Variants in DNAAF5 observed in about 807,000 individuals in gnomAD.
The protein encoded by DNAAF5 is HEAT repeat containing 2.
A neutral mutation model predicts 75.8 loss-of-function variants in DNAAF5; 64 were observed. The ratio of observed to expected loss-of-function variants is 0.84; its 90% CI spans 0.69 to 1.04. DNAAF5 has a LOEUF of 1.04. Among genes scored for constraint, DNAAF5 ranks in the 50% least tolerant of loss-of-function variants. The pLI is 0.00. For missense variants in DNAAF5, 1,269 were observed against 1,178.5 expected, an observed-to-expected ratio of 1.08 and a Z score of -1.12; for synonymous variants, 657 against 557.2, an observed-to-expected ratio of 1.18 and a Z score of -2.52.
intron 2 of DNAAF5, 129 bp from the exon 3 acceptor site, chr7:740,690 T>C: frequency 7.6e-7 from 1 of 1,316,492 alleles, no homozygotes. Context: ...CGGTGGTAGG[T>C]GGCCCAGGAC....
At chr7:774,811 G>GT (rs1398295653) in intron 10 of DNAAF5, among the ~76,000 whole-genome samples, 195 bp from the exon 11 acceptor site, 1 of 152,190 alleles carries the variant, frequency 6.6e-6, no homozygotes, top group Non-Finnish European at 1.5e-5. Flanking sequence ...AACAGTGTGC[G>GT]TATTTTCTAA....
chr7:740,644 C>T (rs1202961637), intron 2 of DNAAF5, among the ~76,000 whole-genome samples, 175 bp from the exon 3 acceptor site: 3 of 152,226 alleles, frequency 2.0e-5, no homozygotes, highest in East Asian at 1.9e-4. Flanking sequence ...CCCAGGACCC[C>T]GGCCACGCGC....
chr7:766,973 C>T (rs1778321410), intron 8 of DNAAF5, among the ~76,000 whole-genome samples: 1 of 152,296 alleles, frequency 6.6e-6, no homozygotes, highest in African/African-American at 2.4e-5. Flanking sequence ...GGCGTGGTGG[C>T]TCACGCCTGT....
intron 11 of DNAAF5, among the ~76,000 whole-genome samples, chr7:777,385 C>T (rs1460675611): frequency 1.3e-5 from 2 of 152,060 alleles, no homozygotes; most frequent in Non-Finnish European, 2.9e-5. Flanking sequence ...TTTATTGAGG[C>T]GTGTTTAAGA....
chr7:749,237 T>C (rs1170750971), intron 4 of DNAAF5, among the ~76,000 whole-genome samples: 3 of 152,208 alleles, frequency 2.0e-5, no homozygotes, highest in African/African-American at 4.8e-5. Context: ...ACAATCACAC[T>C]GCCAGCCGCC....
intron 8 of DNAAF5, among the ~76,000 whole-genome samples, chr7:767,162 C>G (rs1025362936): frequency 7.3e-5 from 11 of 151,072 alleles, no homozygotes; most frequent in African/African-American, 2.7e-4. Flanking sequence ...TGGCGTGAAC[C>G]CAGGAGACGG....
chr7:783,191 G>C (rs932728217), intron 12 of DNAAF5, among the ~76,000 whole-genome samples: 1 of 152,226 alleles, frequency 6.6e-6, no homozygotes, highest in Non-Finnish European at 1.5e-5. Context: ...CAGGGTGGGT[G>C]CACTGCTCGT....
chr7:740,912 A>T lies in DNAAF5; in HGVS notation c.874A>T (p.Ser292Cys). The change falls in exon 3 of 13, where the codon AGT becomes TGT. Residue 292 changes from serine (S) to cysteine (C), a missense_variant. By Grantham distance (112) the Ser-to-Cys change is moderately radical. Transcript: ENST00000297440. ...FFHKLIPLLL[S>C]SLNDEVPEVR... ...CCACAAGCTCATCCCTCTGCTGCTC[A>T]GTAGCCTCAACGACGAGGTGCCTGA... 6.2e-7 allele frequency: 1 copy of T among 1,613,884 alleles called. No homozygotes were observed. Among genetic ancestry groups the T allele is most frequent in the South Asian group, 1.1e-5 (1 of 91,086 alleles).
At chr7:782,098 C>A (rs768738234) in intron 12 of DNAAF5, among the ~76,000 whole-genome samples, 4 of 150,898 alleles carry the variant, frequency 2.7e-5, no homozygotes, top group Non-Finnish European at 5.9e-5. Context: ...TCCGGTTATG[C>A]GATGTCGGAT....
In DNAAF5 at chr7:775,092, T is replaced by C. The variant is rs1233488419; in HGVS notation, c.2169T>C (p.Arg723=). 14 of 1,614,058 alleles carry C rather than the reference T, an allele frequency of 8.7e-6. No individual in the cohort carries two copies. Among genetic ancestry groups the C allele is most frequent in the Non-Finnish European group, 1.2e-5 (14 of 1,179,998 alleles). Residue 723 remains arginine, a synonymous_variant, in exon 11 of 13, where the codon CGT becomes CGC. Transcript: ENST00000297440. The part of the protein sequence containing the change: ...DSKMTRLISC[R]IINTFLKTSG... ...AGATGACGCGACTGATCTCATGCCG[T>C]ATTATCAACACGTTCTTAAAAACCT... is the stretch of plus-strand genomic sequence containing the variant.
Position 756,712 on chromosome 7 carries a change from C to T in DNAAF5, c.1258-70C>T, listed in dbSNP as rs182827892. On this transcript the variant is annotated intron_variant, in intron 5 of 12. Transcript: ENST00000297440. ...CACGGCTGTGTCTGGGAGGCCACGG[C>T]GCCGAGAGCAGGAGCCCGGCTGAGA... 1,643 of 1,446,834 alleles carry T rather than the reference C, an allele frequency of 1.1e-3. 1 individual carries two copies. The highest frequency in any genetic ancestry group is 4.9e-3 in the Middle Eastern group (25 of 5,058). 89.6% of individuals were successfully genotyped at this position (1,446,834 alleles called of 1,614,324 possible). A position where few individuals can be genotyped will look rare whatever the true frequency, so the allele number is the denominator to read the frequency against.
intron 4 of DNAAF5, chr7:750,823 C>G (rs1782268793): frequency 6.0e-6 from 1 of 166,990 alleles, no homozygotes; most frequent in South Asian, 2.1e-4. Flanking sequence ...AGACCCCTCC[C>G]CGGCTGTTCC....
chr7:733,482 C>A (rs920514313), intron 2 of DNAAF5, among the ~76,000 whole-genome samples: 2 of 152,008 alleles, frequency 1.3e-5, no homozygotes, highest in African/African-American at 4.8e-5. Flanking sequence ...TCAGTTTTCT[C>A]ATGTCAGTGG....
At position 761,880 on chromosome 7, in the gene DNAAF5, C is replaced by G. The variant is rs775678178; in HGVS notation, c.1598C>G (p.Thr533Ser). The G allele has an allele frequency of 1.9e-6, 3 of 1,577,072 alleles. No homozygotes were observed. Residue 533 changes from threonine to serine, a missense_variant, in exon 7 of 13, where the codon ACC becomes AGC. Physicochemically the swap from Thr to Ser is moderately conservative, Grantham distance 58 (BLOSUM62 1). Transcript: ENST00000297440. The part of the protein sequence containing the change: ...LLTIVALAGA[T>S]GLRDKAQETM... ...ACAATAGTGGCCCTCGCAGGTGCTA[C>G]CGGCCTGAGGGACAAGGTAAGGCTG...
Position 761,846 on chromosome 7 carries a change from G to A in DNAAF5, c.1564G>A (p.Val522Met), listed in dbSNP as rs573265374. ...CGVASLQLLD[V>M]LLTIVALAGA... ...CGTGGCCAGCCTGCAGCTCTTGGAC[G>A]TGCTGCTGACAATAGTGGCCCTCGC... The change falls in exon 7 of 13, where the codon GTG becomes ATG. Residue 522 changes from valine to methionine, a missense_variant. Coordinates refer to ENST00000297440, the MANE Select transcript of DNAAF5 (RefSeq NM_017802.4). 27 of 1,598,110 alleles carry A rather than the reference G, an allele frequency of 1.7e-5. No homozygotes were observed. The highest frequency in any genetic ancestry group is 1.0e-4 in the South Asian group (9 of 88,240).
chr7:741,605 A>G (rs1001741071), intron 4 of DNAAF5, 140 bp downstream of exon 4: 9 of 608,294 alleles, frequency 1.5e-5, no homozygotes, highest in Middle Eastern at 4.4e-4. Flanking sequence ...GCGTCTCCCC[A>G]CTGGGCTGGG....
chr7:770,114 G>A (rs1489194116), intron 8 of DNAAF5, among the ~76,000 whole-genome samples: 2 of 151,830 alleles, frequency 1.3e-5, no homozygotes, highest in African/African-American at 2.4e-5. Flanking sequence ...ACCATGCTAG[G>A]GTAATTTTTG....
intron 2 of DNAAF5, among the ~76,000 whole-genome samples, chr7:739,858 C>T (rs1458843417): frequency 2.0e-5 from 3 of 152,122 alleles, no homozygotes; most frequent in Admixed American, 6.5e-5. Flanking sequence ...CGAGTCCCAG[C>T]GAGTGACCAC....
intron 5 of DNAAF5, among the ~76,000 whole-genome samples, chr7:756,047 G>A (rs1182805240): frequency 9.6e-6 from 1 of 104,240 alleles, no homozygotes; most frequent in East Asian, 2.7e-4. Context: ...AGGGGCTGGT[G>A]TATGTGTGAT....
Sources: gnomAD v4.1 joint callset for allele counts (sites outside exome capture counted in the v4.1 genomes callset) on GRCh38, gnomAD v4.1.1 for gene constraint, MANE v1.5 for transcripts, NCBI Gene and HGNC (gene_info 2026-07-23, HGNC 2026-07-21) for gene names.